The following PRTFDC1 variants were observed in gnomAD, a reference collection of about 807,000 sequenced individuals.
PRTFDC1 encodes the protein phosphoribosyl transferase domain containing 1, also known as phosphoribosyltransferase domain-containing protein 1.
PRTFDC1 carries 38 observed loss-of-function variants against 34.6 expected under a neutral mutation model. The observed-to-expected ratio is 1.10, with a 90% CI of 0.85 to 1.44. PRTFDC1 has a LOEUF of 1.44. PRTFDC1 is among the 40% of genes most tolerant of loss of function. The pLI, the probability that PRTFDC1 is intolerant of heterozygous loss-of-function variation, is 0.00. For missense variants in PRTFDC1, 270 were observed against 283.0 expected, an observed-to-expected ratio of 0.95 and a Z score of 0.33; for synonymous variants, 93 against 98.1, an observed-to-expected ratio of 0.95 and a Z score of 0.31.
intron 8 of PRTFDC1, 48 bp downstream of exon 8, chr10:24,851,340 T>C: frequency 1.3e-6 from 2 of 1,583,032 alleles, no homozygotes; most frequent in Non-Finnish European, 1.7e-6. Context: ...TTTTAAATTG[T>C]TAAGTTCTTA....
chr10:24,899,361 G>A (rs1028088804), intron 3 of PRTFDC1, among the ~76,000 whole-genome samples: 2 of 152,146 alleles, frequency 1.3e-5, no homozygotes, highest in African/African-American at 4.8e-5. Flanking sequence ...TTTATTGCAA[G>A]TGAAGGCATT....
chr10:24,947,376 A>G (rs1428615978), intron 1 of PRTFDC1, among the ~76,000 whole-genome samples: 1 of 152,214 alleles, frequency 6.6e-6, no homozygotes, highest in African/African-American at 2.4e-5. Flanking sequence ...TGAACTGTAG[A>G]TAACTGTTAT....
chr10:24,881,935 G>A (rs762768533), intron 3 of PRTFDC1, among the ~76,000 whole-genome samples: 3 of 152,078 alleles, frequency 2.0e-5, no homozygotes, highest in South Asian at 2.1e-4. Context: ...TGCGGGGCAC[G>A]GTGGCTCATA....
intron 3 of PRTFDC1, among the ~76,000 whole-genome samples, chr10:24,929,040 C>CAAA (rs536613455): frequency 0.051 from 3,705 of 72,810 alleles, 447 homozygotes; most frequent in African/African-American, 0.12. Context: ...GACTCCGTCT[C>CAAA]AAAAAAAAAA....
rs185141039 is a variant in PRTFDC1, at chr10:24,939,960, G to A, written c.155+2370C>T. On this transcript the variant is annotated intron_variant, in intron 2 of 8. Coordinates refer to ENST00000320152, the MANE Select transcript of PRTFDC1 (RefSeq NM_020200.7). ...GAGCAGACTTCTGAGTGAGGAATAT[G>A]CAGGGATAAAGAGCATCATTACACA... 2.0e-3 allele frequency among the ~76,000 whole-genome samples: 303 copies of A among 152,150 alleles called. 1 individual carries two copies. Among genetic ancestry groups the A allele is most frequent in the African/African-American group, 6.7e-3 (277 of 41,544 alleles).
At chr10:24,871,281 T>C (rs1847863941) in intron 4 of PRTFDC1, among the ~76,000 whole-genome samples, 1 of 152,092 alleles carries the variant, frequency 6.6e-6, no homozygotes, top group Non-Finnish European at 1.5e-5. Flanking sequence ...ACAAGCTAGG[T>C]CAGTACGGCT....
At chr10:24,930,503 G>A (rs901073484) in intron 3 of PRTFDC1, among the ~76,000 whole-genome samples, 6 of 152,146 alleles carry the variant, frequency 3.9e-5, no homozygotes, top group Non-Finnish European at 5.9e-5. Context: ...TGGCTTAGCC[G>A]GGTTAGGTGA....
intron 3 of PRTFDC1, among the ~76,000 whole-genome samples, chr10:24,896,921 A>T (rs1848375579): frequency 6.6e-6 from 1 of 152,216 alleles, no homozygotes; most frequent in Non-Finnish European, 1.5e-5. Context: ...CAAACAATTT[A>T]AAAATTAATC....
At chr10:24,948,153 G>A (rs985898826) in intron 1 of PRTFDC1, among the ~76,000 whole-genome samples, 6 of 151,602 alleles carry the variant, frequency 4.0e-5, no homozygotes, top group Non-Finnish European at 8.8e-5. Flanking sequence ...CATGGGGGGT[G>A]ACAGGAAGCC....
chr10:24,875,166 A>T (rs768733867), intron 3 of PRTFDC1, among the ~76,000 whole-genome samples: 52 of 152,230 alleles, frequency 3.4e-4, no homozygotes, highest in Non-Finnish European at 5.6e-4. Context: ...TTTATGAGGT[A>T]CAATGCGATG....
intron 3 of PRTFDC1, among the ~76,000 whole-genome samples, chr10:24,896,800 G>A (rs61854289): frequency 0.1 from 15,689 of 152,210 alleles, 1,105 homozygotes; most frequent in East Asian, 0.29. Context: ...TGAAAAGGCC[G>A]TGTGTACCTT....
At chr10:24,851,341 T>C in intron 8 of PRTFDC1, 47 bp downstream of exon 8, 3 of 1,583,112 alleles carry the variant, frequency 1.9e-6, no homozygotes, top group Non-Finnish European at 2.6e-6. Context: ...TTTAAATTGT[T>C]AAGTTCTTAT....
At chr10:24,866,532 T>C (rs746441122) in intron 4 of PRTFDC1, among the ~76,000 whole-genome samples, 1 of 152,114 alleles carries the variant, frequency 6.6e-6, no homozygotes, top group Non-Finnish European at 1.5e-5. Context: ...CTCGTGAATA[T>C]GAATAAAATC....
intron 3 of PRTFDC1, among the ~76,000 whole-genome samples, chr10:24,909,629 G>A (rs926641803): frequency 3.3e-5 from 5 of 152,008 alleles, no homozygotes; most frequent in East Asian, 1.9e-4. Context: ...CCCCTTGTTC[G>A]AATAGTTAAA....
At chr10:24,920,985 C>G (rs1440403391) in intron 3 of PRTFDC1, among the ~76,000 whole-genome samples, 1 of 151,942 alleles carries the variant, frequency 6.6e-6, no homozygotes, top group Non-Finnish European at 1.5e-5. Flanking sequence ...CTAAATTGAC[C>G]TACACTGAAA....
chr10:24,927,984 C>T (rs926492502), intron 3 of PRTFDC1, among the ~76,000 whole-genome samples: 1 of 152,118 alleles, frequency 6.6e-6, no homozygotes, highest in Non-Finnish European at 1.5e-5. Context: ...AAAGATGAGG[C>T]GCTACCAATT....
chr10:24,878,271 A>T (rs75350398), intron 3 of PRTFDC1, among the ~76,000 whole-genome samples: 1 of 137,470 alleles, frequency 7.3e-6, no homozygotes, highest in Non-Finnish European at 1.6e-5. Context: ...AGACTGTATT[A>T]AAAAAAAAAA....
Position 24,905,070 on chromosome 10 carries a change from G to A in PRTFDC1, c.339+32114C>T, listed in dbSNP as rs561519226. ...GCCTGTAATCCCAGCACTTTGGAAG[G>A]CCGAGGTGGGTGGATCACTTGAGCG... is the stretch of plus-strand genomic sequence containing the variant. On this transcript the variant is annotated intron_variant, in intron 3 of 8. Transcript: ENST00000320152. 2.0e-5 allele frequency among the ~76,000 whole-genome samples: 3 copies of A among 151,962 alleles called. No homozygotes were observed. In the East Asian group the frequency reaches 5.8e-4, roughly 30 times the overall value.
chr10:24,883,763 T>C (rs906450640), intron 3 of PRTFDC1, among the ~76,000 whole-genome samples: 56 of 151,912 alleles, frequency 3.7e-4, no homozygotes, highest in African/African-American at 1.4e-3. Flanking sequence ...CCAGCAAAGT[T>C]TATGTTTTAA....
Sources: allele counts gnomAD v4.1 joint callset (sites outside exome capture counted in the v4.1 genomes callset), GRCh38; gene constraint gnomAD v4.1.1; transcripts MANE v1.5; gene names NCBI Gene and HGNC (gene_info 2026-07-23, HGNC 2026-07-21).